The following ARL15 variants were observed in gnomAD, a reference collection of about 807,000 sequenced individuals.
ARL15 encodes ADP-ribosylation factor-like protein 15.
Under a neutral mutation model 25.2 loss-of-function variants are expected in ARL15, and 19 were observed. The ratio of observed to expected loss-of-function variants is 0.75; its 90% CI spans 0.53 to 1.10. The LOEUF (loss-of-function observed/expected upper bound fraction) is 1.10, where lower values mean the gene tolerates loss of function less well. Ranked by LOEUF, ARL15 falls within the 50% of genes least tolerant of loss-of-function variation. ARL15 has a pLI of 0.00. For missense variants in ARL15, 220 were observed against 246.0 expected (o/e 0.89, Z 0.71); for synonymous variants, 94 against 86.8 (o/e 1.08, Z -0.46).
At chr5:54,228,551 TA>T in intron 1 of ARL15, among the ~76,000 whole-genome samples, 1 of 147,208 alleles carries the variant, frequency 6.8e-6, no homozygotes, top group Non-Finnish European at 1.5e-5. Flanking sequence ...GATATAAGGT[TA>T]TTCTCACCTC....
At chr5:53,904,765 C>G (rs1440574919) in intron 4 of ARL15, among the ~76,000 whole-genome samples, 1 of 119,328 alleles carries the variant, frequency 8.4e-6, no homozygotes, top group African/African-American at 3.3e-5. Context: ...TTGAGACAGT[C>G]TCACCCAGGC....
chr5:54,285,583 G>A (rs1414613465), intron 1 of ARL15, among the ~76,000 whole-genome samples: 1 of 152,088 alleles, frequency 6.6e-6, no homozygotes, highest in African/African-American at 2.4e-5. Context: ...CCCTCATCCT[G>A]ATACAAAGCA....
chr5:54,003,415 C>T (rs1459910670), intron 4 of ARL15, among the ~76,000 whole-genome samples: 3 of 152,194 alleles, frequency 2.0e-5, no homozygotes, highest in Non-Finnish European at 4.4e-5. Context: ...AGCCATTTCT[C>T]ACAAATGTGG....
At chr5:54,010,003 A>G (rs971948544) in intron 4 of ARL15, among the ~76,000 whole-genome samples, 1 of 152,204 alleles carries the variant, frequency 6.6e-6, no homozygotes, top group Non-Finnish European at 1.5e-5. Flanking sequence ...ACAAAAAGAC[A>G]GAAAGGAGGA....
At chr5:54,166,758 GTCCCCC>G (rs1049148672) in intron 2 of ARL15, among the ~76,000 whole-genome samples, 1 of 151,944 alleles carries the variant, frequency 6.6e-6, no homozygotes, top group Non-Finnish European at 1.5e-5. Context: ...CAGTTTTAAT[GTCCCCC>G]TTTGCTACTT....
At chr5:54,295,962 A>G (rs1438061017) in intron 1 of ARL15, among the ~76,000 whole-genome samples, 1 of 152,224 alleles carries the variant, frequency 6.6e-6, no homozygotes, top group East Asian at 1.9e-4. Context: ...AAACAATCAC[A>G]GAATTCCAGA....
chr5:54,081,073 AC>A (rs1187106146), intron 4 of ARL15, among the ~76,000 whole-genome samples: 1 of 152,062 alleles, frequency 6.6e-6, no homozygotes, highest in Non-Finnish European at 1.5e-5. Context: ...CTTCCTAAAA[AC>A]CCTATCTCCA....
At chr5:53,951,441 C>G (rs571155391) in intron 4 of ARL15, 2 of 463,028 alleles carry the variant, frequency 4.3e-6, no homozygotes, top group Non-Finnish European at 8.9e-6. Context: ...AATGTTTACT[C>G]TCAATTTCTG....
At chr5:54,011,040 A>G (rs889364838) in intron 4 of ARL15, among the ~76,000 whole-genome samples, 3 of 151,964 alleles carry the variant, frequency 2.0e-5, no homozygotes, top group Non-Finnish European at 4.4e-5. Context: ...AAGACTGTGG[A>G]AGAAGTCCTT....
chr5:54,232,248 T>G (rs1756691269), intron 1 of ARL15, among the ~76,000 whole-genome samples: 1 of 152,178 alleles, frequency 6.6e-6, no homozygotes, highest in Admixed American at 6.5e-5. Flanking sequence ...GCCTGTATCC[T>G]TTACTAGATT....
At chr5:54,269,083 G>A in intron 1 of ARL15, among the ~76,000 whole-genome samples, 1 of 151,920 alleles carries the variant, frequency 6.6e-6, no homozygotes, top group Non-Finnish European at 1.5e-5. Context: ...GGGTAGGGGT[G>A]GGGGGTAGGG....
At chr5:54,058,173 T>G (rs1750947044) in intron 4 of ARL15, among the ~76,000 whole-genome samples, 1 of 151,866 alleles carries the variant, frequency 6.6e-6, no homozygotes, top group Admixed American at 6.6e-5. Context: ...GCTCAGTTAA[T>G]TTTTGTATTT....
At chr5:54,130,688 G>C (rs1034123270) in intron 3 of ARL15, among the ~76,000 whole-genome samples, 1 of 151,962 alleles carries the variant, frequency 6.6e-6, no homozygotes, top group Non-Finnish European at 1.5e-5. Context: ...AAACAAGTAG[G>C]GAAAAACAAA....
intron 4 of ARL15, among the ~76,000 whole-genome samples, chr5:53,966,702 G>T (rs565401619): frequency 6.6e-6 from 1 of 152,222 alleles, no homozygotes; most frequent in African/African-American, 2.4e-5. Flanking sequence ...GTCTTATTCC[G>T]TGTTGACGAC....
chr5:54,230,261 C>A (rs1385268912), intron 1 of ARL15, among the ~76,000 whole-genome samples: 1 of 149,648 alleles, frequency 6.7e-6, no homozygotes, highest in African/African-American at 2.5e-5. Flanking sequence ...GCAGGAGAAT[C>A]GCTTGAACCG....
At chr5:54,169,267 C>G (rs757894661) in intron 2 of ARL15, among the ~76,000 whole-genome samples, 1 of 152,162 alleles carries the variant, frequency 6.6e-6, no homozygotes, top group Non-Finnish European at 1.5e-5. Context: ...TTGTGTTACT[C>G]TTACACATAT....
chr5:54,208,413 C>T (rs1006672539), intron 1 of ARL15, among the ~76,000 whole-genome samples: 2 of 151,634 alleles, frequency 1.3e-5, no homozygotes, highest in African/African-American at 4.8e-5. Flanking sequence ...CGCACACACA[C>T]ACGCACACAC....
At chr5:53,893,673 TG>T (rs1744789267) in intron 4 of ARL15, among the ~76,000 whole-genome samples, 1 of 152,126 alleles carries the variant, frequency 6.6e-6, no homozygotes, top group Non-Finnish European at 1.5e-5. Flanking sequence ...GTATACATCT[TG>T]TATATGTATT....
At chr5:54,166,313 G>T (rs926981819) in intron 2 of ARL15, among the ~76,000 whole-genome samples, 8 of 152,094 alleles carry the variant, frequency 5.3e-5, no homozygotes, top group African/African-American at 1.9e-4. Flanking sequence ...TCCTACTTCT[G>T]CCTCACAAGT....
Sources: gnomAD v4.1 joint callset for allele counts (sites outside exome capture counted in the v4.1 genomes callset) on GRCh38, gnomAD v4.1.1 for gene constraint, MANE v1.5 for transcripts, NCBI Gene and HGNC (gene_info 2026-07-23, HGNC 2026-07-21) for gene names.